Variants in HIF1AN observed in about 807,000 individuals in gnomAD.
HIF1AN encodes the protein hypoxia-inducible factor 1-alpha inhibitor.
A neutral mutation model predicts 47.7 loss-of-function variants in HIF1AN; 21 were observed. The observed-to-expected ratio is 0.44, with a 90% CI of 0.31 to 0.63. HIF1AN has a LOEUF of 0.63. Ranked by LOEUF, HIF1AN falls within the 30% of genes least tolerant of loss-of-function variation. The pLI, the probability that HIF1AN is intolerant of heterozygous loss-of-function variation, is 0.07. For missense variants in HIF1AN, 320 were observed against 432.7 expected, an observed-to-expected ratio of 0.74 and a Z score of 2.31; for synonymous variants, 152 against 155.9, an observed-to-expected ratio of 0.98 and a Z score of 0.18.
intron 2 of HIF1AN, among the ~76,000 whole-genome samples, chr10:100,539,918 T>G (rs916859156): frequency 6.6e-6 from 1 of 152,206 alleles, no homozygotes; most frequent in Non-Finnish European, 1.5e-5. Context: ...GGTCTGTGGA[T>G]AGGCTTCTAG....
chr10:100,541,626 A>G (rs1051988564), intron 3 of HIF1AN, among the ~76,000 whole-genome samples: 8 of 152,032 alleles, frequency 5.3e-5, no homozygotes, highest in Non-Finnish European at 8.8e-5. Flanking sequence ...TTAGCTCCCA[A>G]GTAGCTGACA....
In HIF1AN at chr10:100,536,143, G is replaced by A; in HGVS notation, c.177+8G>A. On this transcript the variant is annotated splice_region_variant and intron_variant, in intron 1 of 7. Coordinates refer to ENST00000299163, the MANE Select transcript of HIF1AN (RefSeq NM_017902.3). ...GAGCTTATTGAGAATGAGGTGGGGG[G>A]CGGGGCCGCGTCTAAAGGGAGAGGA... The A allele has an allele frequency of 1.3e-6, 2 of 1,585,076 alleles. No individual in the cohort carries two copies. The highest frequency in any genetic ancestry group is 1.7e-6 in the Non-Finnish European group (2 of 1,165,180).
chr10:100,546,455 T>G (rs1414858745), intron 5 of HIF1AN, 63 bp from the exon 6 acceptor site: 42 of 347,706 alleles, frequency 1.2e-4, no homozygotes, highest in Non-Finnish European at 1.8e-4. Context: ...CCCCCCGCAC[T>G]TCGCCCCTCC....
Position 100,549,785 on chromosome 10 carries a change from C to G in HIF1AN, c.*1648C>G, listed in dbSNP as rs1189785243. 1 of 151,192 alleles carries G rather than the reference C, an allele frequency of 6.6e-6. No individual in the cohort carries two copies. Among genetic ancestry groups the G allele is most frequent in the Non-Finnish European group, 1.5e-5 (1 of 67,950 alleles). The allele number at this position is 151,192 out of a possible 1,614,324, so 9.4% of individuals were successfully genotyped here. ...TTTTTTTTTGCCAAAGGTTTACTTC[C>G]AGCATCTGAGCTCTGGCTCTCACCC... On this transcript the variant is annotated 3_prime_UTR_variant, in exon 8 of 8. Coordinates refer to ENST00000299163, the MANE Select transcript of HIF1AN (RefSeq NM_017902.3).
Position 100,536,129 on chromosome 10 carries a change from G to C in HIF1AN, c.171G>C (p.Glu57Asp). 6.3e-7 allele frequency: 1 copy of C among 1,596,202 alleles called. No homozygotes were observed. Among genetic ancestry groups the C allele is most frequent in the Non-Finnish European group, 8.5e-7 (1 of 1,170,644 alleles). Residue 57 changes from glutamate (E) to aspartate (D), a missense_variant, in exon 1 of 8, where the codon GAG becomes GAC. Physicochemically the swap from Glu to Asp is conservative, Grantham distance 45. Around this residue, in one of 2 missense-constraint regions of HIF1AN, gnomAD observed 159 missense variants for 159.9 expected, o/e 0.99. Transcript: ENST00000299163. ...ACCCCCGGGCAGAGGAGCTTATTGA[G>C]AATGAGGTGGGGGGCGGGGCCGCGT... is the stretch of plus-strand genomic sequence containing the variant. The part of the protein sequence containing the change: ...QSDPRAEELI[E>D]NEEPVVLTDT...
In HIF1AN at chr10:100,536,558, G is replaced by A. The variant is rs1346273855; in HGVS notation, c.325G>A (p.Ala109Thr). 8 of 1,614,058 alleles carry A rather than the reference G, an allele frequency of 5.0e-6. No homozygotes were observed. The highest frequency in any genetic ancestry group is 6.8e-6 in the Non-Finnish European group (8 of 1,180,046). Residue 109 changes from alanine (A) to threonine (T), a missense_variant, in exon 2 of 8, where the codon GCC (alanine) becomes ACC (threonine). By Grantham distance (58) the Ala-to-Thr change is moderately conservative. Transcript: ENST00000299163. ...KFLYYDEKKM[A>T]NFQNFKPRSN... ...CTTGTACTATGATGAGAAGAAGATG[G>A]CCAATTTCCAGAACTTTAAGCCGAG... is the stretch of plus-strand genomic sequence containing the variant.
Position 100,540,495 on chromosome 10 carries a change from G to A in HIF1AN, c.429-139G>A, listed in dbSNP as rs1024474566. On this transcript the variant is annotated intron_variant, in intron 2 of 7. Transcript: ENST00000299163. The stretch of plus-strand genomic sequence containing the variant: ...ATTCAGTTGTATGAGAATCCATGTT[G>A]GCTAAAATTTGCCTGACTACATCTG... 5 of 813,506 alleles carry A rather than the reference G, an allele frequency of 6.1e-6. No individual in the cohort carries two copies. The Admixed American group carries it at 1.0e-4, about 17-fold the overall frequency. 50.4% of individuals were successfully genotyped at this position (813,506 alleles called of 1,614,324 possible). A position where few individuals can be genotyped will look rare whatever the true frequency, so the allele number is the denominator to read the frequency against.
chr10:100,556,918 G>A lies in HIF1AN; in HGVS notation c.*8781G>A, dbSNP rs1347590740. On this transcript the variant is annotated 3_prime_UTR_variant, in exon 8 of 8. Transcript: ENST00000299163. The stretch of plus-strand genomic sequence containing the variant: ...AGTGTCTCTGAAAAGTGTTTCCTTA[G>A]TGTCTGGAGAGACTACAGCAGCAAG... 2 of 152,204 alleles carry A rather than the reference G, an allele frequency of 1.3e-5. No individual in the cohort carries two copies. The highest frequency in any genetic ancestry group is 4.8e-5 in the African/African-American group (2 of 41,456). The allele number at this position is 152,204 out of a possible 1,614,324, so 9.4% of individuals were successfully genotyped here.
At chr10:100,544,567 C>G (rs1843076703) in intron 3 of HIF1AN, among the ~76,000 whole-genome samples, 1 of 152,126 alleles carries the variant, frequency 6.6e-6, no homozygotes, top group Non-Finnish European at 1.5e-5. Flanking sequence ...TTGTTGATAC[C>G]AGTCATTTCT....
intron 4 of HIF1AN, among the ~76,000 whole-genome samples, 162 bp from the exon 5 acceptor site, chr10:100,545,781 G>A (rs942414949): frequency 6.6e-6 from 1 of 151,968 alleles, no homozygotes; most frequent in Non-Finnish European, 1.5e-5. Context: ...AGGGTTTAAT[G>A]TGCATTATAT....
rs1843213643 is a variant in HIF1AN at position 100,556,206 on chromosome 10, C to T, written c.*8069C>T. 1 of 152,314 alleles carries T rather than the reference C, an allele frequency of 6.6e-6. No individual in the cohort carries two copies. The highest frequency in any genetic ancestry group is 3.4e-3 in the Middle Eastern group (1 of 292). The allele number at this position is 152,314 out of a possible 1,614,324, so 9.4% of individuals were successfully genotyped here. ...CTCATGCTTGTGTTACCAGTTCCTA[C>T]CCCTGTCAGTAACCTCTGATGCTTA... is the stretch of plus-strand genomic sequence containing the variant. On this transcript the variant is annotated 3_prime_UTR_variant, in exon 8 of 8. Transcript: ENST00000299163.
Position 100,555,757 on chromosome 10 carries a change from C to T in HIF1AN, c.*7620C>T, listed in dbSNP as rs1245677895. The T allele has an allele frequency of 6.6e-6, 1 of 152,236 alleles. No homozygotes were observed. Among genetic ancestry groups the T allele is most frequent in the African/African-American group, 2.4e-5 (1 of 41,456 alleles). The allele number at this position is 152,236 out of a possible 1,614,324, so 9.4% of individuals were successfully genotyped here. A position where few individuals can be genotyped will look rare whatever the true frequency, so the allele number is the denominator to read the frequency against. ...CTCTAGCTAATTTTGCTGTTTTATTCCGTTTACTTAAAACCTATTCACTTG... is the reference window on the plus strand; with the variant it reads ...CTCTAGCTAATTTTGCTGTTTTATTTCGTTTACTTAAAACCTATTCACTTG... On this transcript the variant is annotated 3_prime_UTR_variant, in exon 8 of 8. Transcript: ENST00000299163.
Position 100,556,563 on chromosome 10 carries a change from A to G in HIF1AN, c.*8426A>G, listed in dbSNP as rs957008185. The G allele has an allele frequency of 6.6e-6, 1 of 152,232 alleles. No individual in the cohort carries two copies. The highest frequency in any genetic ancestry group is 1.5e-5 in the Non-Finnish European group (1 of 68,050). 9.4% of individuals were successfully genotyped at this position (152,232 alleles called of 1,614,324 possible). ...AGTCTAGAGGTAGGACCATGGATTT[A>G]AGAACGTTGCCTCCAAGTTTTTGAA... On this transcript the variant is annotated 3_prime_UTR_variant, in exon 8 of 8. Transcript: ENST00000299163.
rs1482546165 is a variant in HIF1AN at position 100,549,733 on chromosome 10, A to C, written c.*1596A>C. 6.6e-6 allele frequency: 1 copy of C among 150,558 alleles called. No homozygotes were observed. The highest frequency in any genetic ancestry group is 2.5e-5 in the African/African-American group (1 of 40,724). 9.3% of individuals were successfully genotyped at this position (150,558 alleles called of 1,614,324 possible). On this transcript the variant is annotated 3_prime_UTR_variant, in exon 8 of 8. Transcript: ENST00000299163. ...CTCTCTGGAAGGGAAGAGGAGTTGG[A>C]AGGTCTCTGGTTTTCTTTTCTTTTT...
chr10:100,546,851 T>G (rs1843098946), intron 6 of HIF1AN, among the ~76,000 whole-genome samples: 2 of 152,288 alleles, frequency 1.3e-5, no homozygotes, highest in South Asian at 4.1e-4. Flanking sequence ...GTGATTCTCC[T>G]GCCTCAGCCT....
At position 100,551,421 on chromosome 10, in the gene HIF1AN, C is replaced by G. The variant is rs1363982558; in HGVS notation, c.*3284C>G. 1 of 152,226 alleles carries G rather than the reference C, an allele frequency of 6.6e-6. No homozygotes were observed. The highest frequency in any genetic ancestry group is 1.5e-5 in the Non-Finnish European group (1 of 68,034). 9.4% of individuals were successfully genotyped at this position (152,226 alleles called of 1,614,324 possible). On this transcript the variant is annotated 3_prime_UTR_variant, in exon 8 of 8. Coordinates refer to ENST00000299163, the MANE Select transcript of HIF1AN (RefSeq NM_017902.3). ...AGTGGGCCAGCCCAGTATGGGGAGA[C>G]ACTCCCTCCCTCTGCCCCCAGAGAC...
In HIF1AN at chr10:100,541,777, CAT is replaced by C. The variant is rs138303490; in HGVS notation, c.577+996_577+997del. Among the ~76,000 whole-genome samples, 488 of 152,266 alleles carry C rather than the reference CAT, an allele frequency of 3.2e-3. 3 individuals are homozygous for C. Among genetic ancestry groups the C allele is most frequent in the African/African-American group, 0.011 (469 of 41,550 alleles). On this transcript the variant is annotated intron_variant, in intron 3 of 7. Coordinates refer to ENST00000299163, the MANE Select transcript of HIF1AN (RefSeq NM_017902.3). Reference sequence around the variant, plus strand: ...ATTAGGGACCTCTCTGAAATACAGACATGTGATGCTTAATGTCAGGGATACGT... The same window carrying C: ...ATTAGGGACCTCTCTGAAATACAGACGTGATGCTTAATGTCAGGGATACGT...
intron 4 of HIF1AN, 188 bp downstream of exon 4, chr10:100,545,284 G>A: frequency 1.8e-6 from 1 of 552,228 alleles, no homozygotes; most frequent in Non-Finnish European, 3.1e-6. Flanking sequence ...GCCACCAGAT[G>A]TTTGTAAGTA....
At chr10:100,546,793 G>A (rs1026735341) in intron 6 of HIF1AN, among the ~76,000 whole-genome samples, 2 of 152,104 alleles carry the variant, frequency 1.3e-5, no homozygotes, top group African/African-American at 4.8e-5. Flanking sequence ...AGGCTGGAGT[G>A]CAGTGGCGTG....
Sources: gnomAD v4.1 joint callset for allele counts (sites outside exome capture counted in the v4.1 genomes callset) on GRCh38, gnomAD v4.1.1 for gene constraint, gnomAD v4.1.1 regional missense constraint, MANE v1.5 for transcripts, NCBI Gene and HGNC (gene_info 2026-07-23, HGNC 2026-07-21) for gene names.